Variants in SYTL3 observed in about 807,000 individuals in gnomAD.
The protein encoded by SYTL3 is synaptotagmin like 3.
A neutral mutation model predicts 82.1 loss-of-function variants in SYTL3; 88 were observed. The observed-to-expected ratio is 1.07, with a 90% CI of 0.90 to 1.28. The LOEUF is 1.28. SYTL3 is among the 50% of genes most tolerant of loss of function. The pLI is 0.00. For synonymous variants in SYTL3, 311 were observed against 289.4 expected (o/e 1.07, Z -0.76); for missense variants, 831 against 757.6 (o/e 1.10, Z -1.14).
intron 10 of SYTL3, among the ~76,000 whole-genome samples, chr6:158,724,272 T>C (rs1344776647): frequency 6.6e-6 from 1 of 152,238 alleles, no homozygotes; most frequent in Non-Finnish European, 1.5e-5. Context: ...TGTTGCTTAA[T>C]AAATAAATGT....
intron 8 of SYTL3, among the ~76,000 whole-genome samples, chr6:158,712,319 C>T (rs1229891208): frequency 1.3e-5 from 2 of 152,298 alleles, no homozygotes; most frequent in Non-Finnish European, 2.9e-5. Context: ...CAGACTCACA[C>T]ACTAATCTCC....
chr6:158,754,271 G>C (rs1788789011), intron 13 of SYTL3, among the ~76,000 whole-genome samples: 1 of 152,158 alleles, frequency 6.6e-6, no homozygotes, highest in Non-Finnish European at 1.5e-5. Flanking sequence ...TGACACCACT[G>C]TCCTGGGGGC....
chr6:158,673,090 C>A (rs1049331156), intron 5 of SYTL3, among the ~76,000 whole-genome samples: 1 of 152,126 alleles, frequency 6.6e-6, no homozygotes, highest in African/African-American at 2.4e-5. Flanking sequence ...ACCACCACAT[C>A]TGGCTGATAT....
chr6:158,746,447 A>ATTATTATTATTAT (rs1554263731), intron 12 of SYTL3, among the ~76,000 whole-genome samples: 1 of 120,922 alleles, frequency 8.3e-6, no homozygotes, highest in South Asian at 2.5e-4. Flanking sequence ...CATTATAATA[A>ATTATTATTATTAT]TAATAATAAT....
intron 6 of SYTL3, among the ~76,000 whole-genome samples, chr6:158,697,577 A>G (rs1780700963): frequency 1.3e-5 from 2 of 152,204 alleles, no homozygotes; most frequent in African/African-American, 4.8e-5. Context: ...TTTGTGCATC[A>G]AAGGACACTA....
intron 14 of SYTL3, among the ~76,000 whole-genome samples, chr6:158,759,317 G>A (rs1297355475): frequency 3.3e-5 from 5 of 152,204 alleles, no homozygotes; most frequent in Admixed American, 1.3e-4. Context: ...GCTCTGTTCC[G>A]CCTCGGTTTC....
At chr6:158,703,997 T>C (rs1760124854) in intron 6 of SYTL3, among the ~76,000 whole-genome samples, 1 of 151,786 alleles carries the variant, frequency 6.6e-6, no homozygotes, top group Non-Finnish European at 1.5e-5. Context: ...AGGCTAATCT[T>C]TGTATTTTTA....
At chr6:158,736,846 AACAG>A (rs928515346) in intron 11 of SYTL3, among the ~76,000 whole-genome samples, 5 of 151,954 alleles carry the variant, frequency 3.3e-5, no homozygotes, top group East Asian at 1.9e-4. Context: ...AAGGATGATT[AACAG>A]ACAGTTTGAA....
intron 8 of SYTL3, among the ~76,000 whole-genome samples, chr6:158,712,647 T>C (rs1041446124): frequency 1.3e-5 from 2 of 152,332 alleles, no homozygotes; most frequent in African/African-American, 2.4e-5. Flanking sequence ...TCTTTCATCG[T>C]TTAGGATTAT....
intron 11 of SYTL3, chr6:158,726,759 T>A: frequency 5.0e-6 from 1 of 200,354 alleles, no homozygotes; most frequent in Non-Finnish European, 1.0e-5. Context: ...ATCTTTGAGA[T>A]GGAGATGTTT....
intron 4 of SYTL3, among the ~76,000 whole-genome samples, chr6:158,664,156 TTGAGGAG>T (rs1318647448): frequency 6.6e-6 from 1 of 152,234 alleles, no homozygotes. Context: ...AACCAAATGC[TTGAGGAG>T]TGAGGAGAAT....
At chr6:158,760,544 G>A (rs1789769923) in intron 14 of SYTL3, 96 bp from the exon 15 acceptor site, 6 of 1,036,744 alleles carry the variant, frequency 5.8e-6, no homozygotes, top group Non-Finnish European at 7.5e-6. Context: ...GGGCCAGGGG[G>A]AAGCATCTGT....
intron 12 of SYTL3, among the ~76,000 whole-genome samples, chr6:158,747,366 T>A (rs976389303): frequency 3.0e-5 from 4 of 134,616 alleles, no homozygotes; most frequent in African/African-American, 1.1e-4. Context: ...TAAAATTAAT[T>A]TTTTTTTAAG....
At chr6:158,746,558 C>T (rs778029479) in intron 12 of SYTL3, among the ~76,000 whole-genome samples, 4 of 150,906 alleles carry the variant, frequency 2.7e-5, no homozygotes, top group Admixed American at 6.6e-5. Flanking sequence ...CTCCGCCTCC[C>T]GGGTTCAAGT....
chr6:158,760,795 G>T (rs746662873), intron 15 of SYTL3, 50 bp downstream of exon 15: 1 of 1,428,920 alleles, frequency 7.0e-7, no homozygotes, highest in Non-Finnish European at 9.9e-7. Flanking sequence ...TGTCTGCAGA[G>T]CCTGGTGCTG....
At chr6:158,653,096 C>T (rs756048514) in intron 2 of SYTL3, among the ~76,000 whole-genome samples, 11 of 152,316 alleles carry the variant, frequency 7.2e-5, no homozygotes, top group Middle Eastern at 3.4e-3. Flanking sequence ...GATATGCATG[C>T]GTGCTGTCTC....
intron 9 of SYTL3, 68 bp from the exon 10 acceptor site, chr6:158,718,019 A>G (rs1783625193): frequency 7.0e-7 from 1 of 1,425,914 alleles, no homozygotes; most frequent in African/African-American, 1.5e-5. Context: ...TGAACCCCAG[A>G]AGAGGCTCCC....
At chr6:158,754,306 T>C (rs1307335247) in intron 13 of SYTL3, among the ~76,000 whole-genome samples, 1 of 152,186 alleles carries the variant, frequency 6.6e-6, no homozygotes, top group Non-Finnish European at 1.5e-5. Context: ...GTGATCTCAC[T>C]GGGTGACATT....
At chr6:158,702,552 G>A (rs556290777) in intron 6 of SYTL3, among the ~76,000 whole-genome samples, 3 of 146,466 alleles carry the variant, frequency 2.0e-5, no homozygotes, top group African/African-American at 8.2e-5. Flanking sequence ...AAAAACAAGA[G>A]GGGGGGAAAA....
Sources: allele counts gnomAD v4.1 joint callset (sites outside exome capture counted in the v4.1 genomes callset), GRCh38; gene constraint gnomAD v4.1.1; transcripts MANE v1.5; gene names NCBI Gene and HGNC (gene_info 2026-07-23, HGNC 2026-07-21).